CHCHD6: variants seen among roughly 807,000 people sequenced by gnomAD.
The protein encoded by CHCHD6 is coiled-coil-helix-coiled-coil-helix domain containing 6.
A neutral mutation model predicts 32.3 loss-of-function variants in CHCHD6; 28 were observed. The ratio of observed to expected loss-of-function variants is 0.87; its 90% CI spans 0.64 to 1.19. The LOEUF (loss-of-function observed/expected upper bound fraction) is 1.19. CHCHD6 is among the 50% of genes most tolerant of loss of function. The pLI is 0.00. For missense variants in CHCHD6, 333 were observed against 307.0 expected (o/e 1.08, Z -0.63); for synonymous variants, 122 against 117.5 (o/e 1.04, Z -0.25).
intron 6 of CHCHD6, among the ~76,000 whole-genome samples, chr3:126,923,537 C>T (rs1344123011): frequency 6.6e-6 from 1 of 152,224 alleles, no homozygotes; most frequent in Admixed American, 6.5e-5. Context: ...TGCAGCAGGG[C>T]TCTGTCTGGA....
intron 4 of CHCHD6, among the ~76,000 whole-genome samples, chr3:126,827,780 C>A (rs974864443): frequency 6.6e-6 from 1 of 152,162 alleles, no homozygotes; most frequent in African/African-American, 2.4e-5. Context: ...TAAAGGAGAA[C>A]AAGCTTTCAT....
chr3:126,821,637 G>C (rs1940157729), intron 4 of CHCHD6, among the ~76,000 whole-genome samples: 1 of 151,576 alleles, frequency 6.6e-6, no homozygotes, highest in African/African-American at 2.4e-5. Context: ...CTGCTAGACT[G>C]TTTTCCAAAG....
At chr3:126,870,776 G>A (rs1180311038) in intron 5 of CHCHD6, among the ~76,000 whole-genome samples, 4 of 152,322 alleles carry the variant, frequency 2.6e-5, no homozygotes, top group Admixed American at 1.3e-4. Flanking sequence ...GGTCTGGCCT[G>A]ACCTGTTCTT....
At chr3:126,946,172 C>A (rs923904294) in intron 6 of CHCHD6, among the ~76,000 whole-genome samples, 1 of 152,194 alleles carries the variant, frequency 6.6e-6, no homozygotes, top group Non-Finnish European at 1.5e-5. Flanking sequence ...GAAAGCTCTT[C>A]AGCCACAGGC....
At chr3:126,857,465 C>T (rs892620717) in intron 5 of CHCHD6, among the ~76,000 whole-genome samples, 1 of 152,128 alleles carries the variant, frequency 6.6e-6, no homozygotes, top group African/African-American at 2.4e-5. Flanking sequence ...GCCCTTTCCC[C>T]CATTGTACTC....
chr3:126,893,307 CA>C (rs2077791736), intron 5 of CHCHD6, among the ~76,000 whole-genome samples: 2 of 152,200 alleles, frequency 1.3e-5, no homozygotes. Context: ...TTGAATAGAA[CA>C]GTAAATAATT....
At chr3:126,897,381 G>A (rs1305799214) in intron 5 of CHCHD6, among the ~76,000 whole-genome samples, 1 of 152,188 alleles carries the variant, frequency 6.6e-6, no homozygotes, top group Non-Finnish European at 1.5e-5. Context: ...TGATGCTGTG[G>A]GTTAATGTGC....
chr3:126,750,403 C>T (rs1337321320), intron 4 of CHCHD6, among the ~76,000 whole-genome samples: 1 of 152,242 alleles, frequency 6.6e-6, no homozygotes, highest in African/African-American at 2.4e-5. Context: ...GACAGCTCTT[C>T]CCCTGGCTGG....
intron 5 of CHCHD6, among the ~76,000 whole-genome samples, chr3:126,897,665 A>G (rs2077860455): frequency 6.6e-6 from 1 of 152,212 alleles, no homozygotes; most frequent in Non-Finnish European, 1.5e-5. Context: ...AAAGGAGACG[A>G]TGTTCCCAGC....
chr3:126,934,694 G>A (rs533776151), intron 6 of CHCHD6, among the ~76,000 whole-genome samples: 3 of 152,046 alleles, frequency 2.0e-5, no homozygotes, highest in African/African-American at 4.8e-5. Context: ...GACTACAGAC[G>A]CCTGCCACCA....
At chr3:126,816,773 T>A (rs1939924911) in intron 4 of CHCHD6, among the ~76,000 whole-genome samples, 1 of 152,156 alleles carries the variant, frequency 6.6e-6, no homozygotes. Flanking sequence ...ACAGGTTTGT[T>A]ACATATGTAT....
At chr3:126,943,296 C>T (rs530825726) in intron 6 of CHCHD6, among the ~76,000 whole-genome samples, 1 of 152,322 alleles carries the variant, frequency 6.6e-6, no homozygotes, top group East Asian at 1.9e-4. Flanking sequence ...TTTCGGAAAA[C>T]AACTCAAAGT....
At chr3:126,786,718 A>G (rs1421942258) in intron 4 of CHCHD6, among the ~76,000 whole-genome samples, 2 of 151,990 alleles carry the variant, frequency 1.3e-5, no homozygotes, top group Non-Finnish European at 2.9e-5. Context: ...TAGATTCTGG[A>G]TATTAGTCCT....
intron 5 of CHCHD6, among the ~76,000 whole-genome samples, chr3:126,884,649 G>A (rs766466385): frequency 3.4e-4 from 52 of 152,204 alleles, no homozygotes; most frequent in Middle Eastern, 3.4e-3. Flanking sequence ...TGAAAGAGGC[G>A]GGTGTGGAAA....
In CHCHD6 at chr3:126,712,643, A is replaced by G. The variant is rs565913148; in HGVS notation, c.87+8244A>G. 1.6e-3 allele frequency among the ~76,000 whole-genome samples: 244 copies of G among 152,270 alleles called. 1 individual carries two copies. Among genetic ancestry groups the G allele is most frequent in the Non-Finnish European group, 2.8e-3 (189 of 68,028 alleles). ...GCTCTCCGCAGTGGCACTAGTGTCC[A>G]GCATCAACCACCGTCTCTGCCCTTC... On this transcript the variant is annotated intron_variant, in intron 1 of 7. Transcript: ENST00000290913.
At chr3:126,858,391 G>A (rs1411043393) in intron 5 of CHCHD6, among the ~76,000 whole-genome samples, 2 of 152,108 alleles carry the variant, frequency 1.3e-5, no homozygotes, top group African/African-American at 2.4e-5. Context: ...TCATCTGGCT[G>A]TGCTCTCAGG....
chr3:126,783,682 A>C (rs1023199881), intron 4 of CHCHD6, among the ~76,000 whole-genome samples: 3 of 151,924 alleles, frequency 2.0e-5, no homozygotes, highest in South Asian at 2.1e-4. Context: ...TCCCATTTAC[A>C]TAGCATCAAC....
chr3:126,840,857 GAGA>G (rs1296734359), intron 4 of CHCHD6, among the ~76,000 whole-genome samples: 2 of 151,762 alleles, frequency 1.3e-5, no homozygotes, highest in African/African-American at 2.4e-5. Context: ...CTCTGGCATA[GAGA>G]AGTTCTTTTT....
At chr3:126,919,877 TTTTC>T (rs1273917986) in intron 6 of CHCHD6, among the ~76,000 whole-genome samples, 1 of 152,076 alleles carries the variant, frequency 6.6e-6, no homozygotes, top group Non-Finnish European at 1.5e-5. Flanking sequence ...TAGTTATTGA[TTTTC>T]TTTATTTTAT....
Sources: allele counts gnomAD v4.1 joint callset (sites outside exome capture counted in the v4.1 genomes callset), GRCh38; gene constraint gnomAD v4.1.1; transcripts MANE v1.5; gene names NCBI Gene and HGNC (gene_info 2026-07-23, HGNC 2026-07-21).